Variants in RUFY3 observed in about 807,000 individuals in gnomAD.
RUFY3 encodes the protein RUN and FYVE domain containing 3, also known as protein RUFY3.
In RUFY3, 34 loss-of-function variants were observed where a neutral mutation model predicts 84.0. The ratio of observed to expected loss-of-function variants is 0.40; its 90% CI spans 0.31 to 0.54. RUFY3 has a LOEUF of 0.54. RUFY3 is among the 20% of genes least tolerant of loss of function. RUFY3 has a pLI of 0.39. For synonymous variants in RUFY3, 242 were observed against 252.9 expected (o/e 0.96, Z 0.41); for missense variants, 507 against 736.8 (o/e 0.69, Z 3.61).
At chr4:70,806,446 C>A in intron 17 of RUFY3, 70 bp from the exon 18 acceptor site, 2 of 1,571,250 alleles carry the variant, frequency 1.3e-6, no homozygotes, top group Admixed American at 1.7e-5. Flanking sequence ...CCATATTTGG[C>A]TTTTTATATC....
chr4:70,709,566 G>A (rs1740732082), intron 1 of RUFY3, among the ~76,000 whole-genome samples: 1 of 152,148 alleles, frequency 6.6e-6, no homozygotes, highest in Admixed American at 6.5e-5. Flanking sequence ...TTCCATGCCA[G>A]TTTCTCAGCA....
upstream of RUFY3, among the ~76,000 whole-genome samples, chr4:70,718,164 T>A (rs567354856): frequency 1.2e-4 from 19 of 152,330 alleles, no homozygotes; most frequent in Admixed American, 1.2e-3. Context: ...ATTACAGGCG[T>A]GAGCCACCGC....
intron 4 of RUFY3, among the ~76,000 whole-genome samples, chr4:70,767,102 T>G (rs1726068821): frequency 6.6e-6 from 1 of 151,928 alleles, no homozygotes; most frequent in African/African-American, 2.4e-5. Context: ...TTTTGTTCTT[T>G]GAGACAGAGT....
At position 70,743,331 on chromosome 4, in the gene RUFY3, C is replaced by G. The variant is rs1045725382; in HGVS notation, c.179-19188C>G. Among the ~76,000 whole-genome samples the G allele has an allele frequency of 3.2e-4, 48 of 152,112 alleles. 1 individual carries two copies. The highest frequency in any genetic ancestry group is 1.6e-3 in the Admixed American group (24 of 15,254). ...AAGTGATCCACCTGCCTCAGCCTCT[C>G]AAAGTGCTGGGATTACAAGTGTGAA... On this transcript the variant is annotated intron_variant, in intron 1 of 17. Transcript: ENST00000381006.
At chr4:70,751,713 T>C (rs991019128) in intron 1 of RUFY3, among the ~76,000 whole-genome samples, 1 of 152,216 alleles carries the variant, frequency 6.6e-6, no homozygotes, top group African/African-American at 2.4e-5. Flanking sequence ...CTTGATGATG[T>C]CGTTTGAAAC....
chr4:70,712,295 A>C (rs1741081727), intron 1 of RUFY3, among the ~76,000 whole-genome samples: 1 of 152,218 alleles, frequency 6.6e-6, no homozygotes, highest in Admixed American at 6.5e-5. Flanking sequence ...ATGTAATAGT[A>C]CTTAGCACTT....
intron 10 of RUFY3, among the ~76,000 whole-genome samples, chr4:70,787,136 C>T (rs1181955558): frequency 4.0e-5 from 5 of 125,440 alleles, no homozygotes; most frequent in Non-Finnish European, 4.7e-5. Flanking sequence ...CACTGCACTC[C>T]AGCCTGGGTG....
chr4:70,806,347 G>T (rs1732845496), intron 17 of RUFY3, among the ~76,000 whole-genome samples, 169 bp from the exon 18 acceptor site: 1 of 152,160 alleles, frequency 6.6e-6, no homozygotes, highest in Admixed American at 6.5e-5. Context: ...ACTAGACGGT[G>T]AACTTTTTTG....
At chr4:70,731,070 C>T (rs1030359310) in intron 1 of RUFY3, among the ~76,000 whole-genome samples, 4 of 148,864 alleles carry the variant, frequency 2.7e-5, no homozygotes, top group East Asian at 4.0e-4. Context: ...GACGGAGTCT[C>T]GCTCTTGTCC....
chr4:70,783,207 A>G (rs746402527), intron 9 of RUFY3, 24 bp downstream of exon 9: 14 of 1,420,900 alleles, frequency 9.9e-6, no homozygotes, highest in Middle Eastern at 1.8e-4. Flanking sequence ...GATTTATAAA[A>G]TATTCACTGA....
chr4:70,806,758 C>T lies in RUFY3; in HGVS notation c.*99C>T. On this transcript the variant is annotated 3_prime_UTR_variant, in exon 18 of 18. Transcript: ENST00000381006. ...CATAGAGCCCAGTTCTTAGAGTCAA[C>T]TAAAGAGTTGATAGGAATTTACTAG... The T allele has an allele frequency of 7.1e-7, 1 of 1,417,994 alleles. No homozygotes were observed. Among genetic ancestry groups the T allele is most frequent in the Non-Finnish European group, 9.6e-7 (1 of 1,038,444 alleles). The allele number at this position is 1,417,994 out of a possible 1,614,324, so 87.8% of individuals were successfully genotyped here.
chr4:70,722,180 C>G lies in RUFY3; in HGVS notation c.-394C>G. ...ACAAAGGAGGAGGATTTTTCACTTA[C>G]TCATATCGAGGCCAGATTTTTAAAG... On this transcript the variant is annotated 5_prime_UTR_variant, in exon 1 of 18. Transcript: ENST00000381006. The G allele has an allele frequency of 8.1e-7, 1 of 1,229,662 alleles. No homozygotes were observed. The highest frequency in any genetic ancestry group is 3.1e-4 in the Middle Eastern group (1 of 3,200). 76.2% of individuals were successfully genotyped at this position (1,229,662 alleles called of 1,614,324 possible).
At chr4:70,744,464 G>A (rs375082617) in intron 1 of RUFY3, among the ~76,000 whole-genome samples, 6 of 151,592 alleles carry the variant, frequency 4.0e-5, no homozygotes, top group African/African-American at 7.3e-5. Context: ...GCCTCCCAAC[G>A]CACTAGGATT....
intron 5 of RUFY3, among the ~76,000 whole-genome samples, chr4:70,770,572 A>G (rs773106371): frequency 4.6e-5 from 7 of 152,174 alleles, no homozygotes; most frequent in Non-Finnish European, 1.0e-4. Context: ...CATAGAATTC[A>G]AGAGCATTAG....
intron 1 of RUFY3, among the ~76,000 whole-genome samples, chr4:70,711,818 G>A (rs184216341): frequency 7.9e-5 from 12 of 152,242 alleles, no homozygotes; most frequent in African/African-American, 2.4e-4. Context: ...CCTTCCTCAC[G>A]ACTAAACACT....
chr4:70,734,873 T>C (rs1720029635), intron 1 of RUFY3, among the ~76,000 whole-genome samples: 1 of 152,232 alleles, frequency 6.6e-6, no homozygotes, highest in South Asian at 2.1e-4. Context: ...CTTCTATTGG[T>C]GAGCCTTTTC....
chr4:70,773,970 CTGAT>C (rs1342104351), intron 6 of RUFY3, among the ~76,000 whole-genome samples: 1 of 152,098 alleles, frequency 6.6e-6, no homozygotes, highest in Non-Finnish European at 1.5e-5. Flanking sequence ...TTAGGGGAAA[CTGAT>C]TGAAGGTACA....
intron 1 of RUFY3, among the ~76,000 whole-genome samples, chr4:70,711,618 G>A (rs890039889): frequency 2.0e-5 from 3 of 152,190 alleles, no homozygotes; most frequent in Non-Finnish European, 2.9e-5. Context: ...TTGTCAAATA[G>A]TAGATAAAAA....
intron 1 of RUFY3, among the ~76,000 whole-genome samples, chr4:70,714,534 A>C (rs2148566537): frequency 6.6e-6 from 1 of 152,328 alleles, no homozygotes; most frequent in East Asian, 1.9e-4. Context: ...AGCCAGTGTT[A>C]GACTGACCTG....
Sources: allele counts gnomAD v4.1 joint callset (sites outside exome capture counted in the v4.1 genomes callset), GRCh38; gene constraint gnomAD v4.1.1; transcripts MANE v1.5; gene names NCBI Gene and HGNC (gene_info 2026-07-23, HGNC 2026-07-21).